The following METTL15 variants were observed in gnomAD, a reference collection of about 807,000 sequenced individuals.
The protein encoded by METTL15 is 12S rRNA N(4)-cytidine methyltransferase METTL15.
In METTL15, 34 loss-of-function variants were observed where a neutral mutation model predicts 38.3. The observed-to-expected ratio is 0.89, with a 90% CI of 0.68 to 1.18. The LOEUF (loss-of-function observed/expected upper bound fraction) is 1.18. Among genes scored for constraint, METTL15 ranks in the 50% most tolerant of loss-of-function variants. The pLI, the probability that METTL15 is intolerant of heterozygous loss-of-function variation, is 0.00. For synonymous variants in METTL15, 162 were observed against 170.9 expected, an observed-to-expected ratio of 0.95 and a Z score of 0.41; for missense variants, 438 against 498.4, an observed-to-expected ratio of 0.88 and a Z score of 1.15.
intron 4 of METTL15, among the ~76,000 whole-genome samples, chr11:28,230,468 G>A (rs1415062084): frequency 1.3e-5 from 2 of 151,902 alleles, no homozygotes; most frequent in African/African-American, 4.8e-5. Context: ...TATCCATATG[G>A]TACAGGATAA....
chr11:28,423,365 G>C (rs896297879), intron 5 of METTL15, among the ~76,000 whole-genome samples: 7 of 151,948 alleles, frequency 4.6e-5, no homozygotes, highest in African/African-American at 1.7e-4. Flanking sequence ...CCCAAAAAAA[G>C]AAAATCAATG....
chr11:28,122,521 CATA>C (rs1488438462), intron 3 of METTL15, among the ~76,000 whole-genome samples: 1 of 150,778 alleles, frequency 6.6e-6, no homozygotes, highest in Non-Finnish European at 1.5e-5. Flanking sequence ...TTATTTTTTC[CATA>C]ATGACGGGTT....
At chr11:28,176,351 T>C (rs1851074149) in intron 3 of METTL15, among the ~76,000 whole-genome samples, 1 of 152,110 alleles carries the variant, frequency 6.6e-6, no homozygotes. Flanking sequence ...TAGCAAAAGT[T>C]TTAAATGTCT....
At chr11:28,177,278 C>T (rs1021153390) in intron 3 of METTL15, among the ~76,000 whole-genome samples, 1 of 151,866 alleles carries the variant, frequency 6.6e-6, no homozygotes, top group African/African-American at 2.4e-5. Flanking sequence ...TACAGATTTC[C>T]ATCAGTGAAT....
chr11:28,390,804 A>G (rs372691620), intron 5 of METTL15, among the ~76,000 whole-genome samples: 2 of 152,286 alleles, frequency 1.3e-5, no homozygotes, highest in South Asian at 2.1e-4. Context: ...CATTGAATCT[A>G]TAAATTACCT....
intron 3 of METTL15, among the ~76,000 whole-genome samples, chr11:28,135,102 A>C (rs1446138582): frequency 6.6e-6 from 1 of 152,192 alleles, no homozygotes; most frequent in Non-Finnish European, 1.5e-5. Context: ...GTAGGCAAAA[A>C]CTTAAAAACA....
chr11:28,184,950 GA>G (rs1037340263), intron 3 of METTL15, among the ~76,000 whole-genome samples: 1 of 151,386 alleles, frequency 6.6e-6, no homozygotes, highest in Non-Finnish European at 1.5e-5. Flanking sequence ...CTGAGTAAAG[GA>G]AATATATTGA....
chr11:28,272,662 A>G (rs1464891812), intron 4 of METTL15, among the ~76,000 whole-genome samples: 1 of 152,192 alleles, frequency 6.6e-6, no homozygotes, highest in Non-Finnish European at 1.5e-5. Flanking sequence ...GCACGTGTAT[A>G]CCTATGTAAC....
At chr11:28,528,009 A>G (rs537153909), downstream of METTL15, among the ~76,000 whole-genome samples, 10 of 152,214 alleles carry the variant, frequency 6.6e-5, no homozygotes, top group Non-Finnish European at 1.5e-4. Flanking sequence ...CATGGGAAGA[A>G]TTTGTAAAAA....
intron 2 of METTL15, among the ~76,000 whole-genome samples, 190 bp downstream of exon 2, chr11:28,110,591 T>G (rs1851678807): frequency 6.6e-6 from 1 of 152,188 alleles, no homozygotes; most frequent in Non-Finnish European, 1.5e-5. Context: ...CAGAGCGTAA[T>G]TCTTAGGCAA....
chr11:28,523,462 G>A (rs538774976), intron 6 of METTL15, among the ~76,000 whole-genome samples: 1 of 152,144 alleles, frequency 6.6e-6, no homozygotes, highest in Non-Finnish European at 1.5e-5. Flanking sequence ...AAGCTGATTG[G>A]CTCTCTGAAA....
At chr11:28,448,399 G>A (rs1394427567) in intron 6 of METTL15, among the ~76,000 whole-genome samples, 4 of 152,016 alleles carry the variant, frequency 2.6e-5, no homozygotes, top group South Asian at 2.1e-4. Flanking sequence ...TGTTATTCTC[G>A]GTTTCTAGGA....
intron 3 of METTL15, among the ~76,000 whole-genome samples, chr11:28,350,919 G>A (rs773908453): frequency 6.6e-6 from 1 of 152,032 alleles, no homozygotes; most frequent in Non-Finnish European, 1.5e-5. Context: ...TAGGTCACTG[G>A]TTACCAAGCA....
At chr11:28,475,362 G>A (rs1388179844) in intron 6 of METTL15, among the ~76,000 whole-genome samples, 1 of 87,308 alleles carries the variant, frequency 1.1e-5, no homozygotes, top group Non-Finnish European at 2.3e-5. Context: ...TATTCAGGTA[G>A]CATAGAATTA....
chr11:28,193,600 A>G (rs1590135827), intron 3 of METTL15, among the ~76,000 whole-genome samples: 1 of 152,022 alleles, frequency 6.6e-6, no homozygotes. Flanking sequence ...TCCAAACCAT[A>G]TCACCTTCCA....
chr11:28,498,980 G>A (rs1732531949), intron 6 of METTL15, among the ~76,000 whole-genome samples: 1 of 152,184 alleles, frequency 6.6e-6, no homozygotes, highest in African/African-American at 2.4e-5. Context: ...TGACTGCTTG[G>A]TTTTATTAAT....
intron 4 of METTL15, among the ~76,000 whole-genome samples, chr11:28,282,384 A>G (rs1168874295): frequency 6.6e-6 from 1 of 152,214 alleles, no homozygotes; most frequent in East Asian, 1.9e-4. Context: ...GCAGCAGGGA[A>G]TCTAGATTAG....
At chr11:28,162,046 A>AT (rs1850484620) in intron 3 of METTL15, among the ~76,000 whole-genome samples, 1 of 152,040 alleles carries the variant, frequency 6.6e-6, no homozygotes, top group South Asian at 2.1e-4. Flanking sequence ...TTTTTGACTT[A>AT]TTTTTTCACA....
intron 3 of METTL15, among the ~76,000 whole-genome samples, chr11:28,165,977 A>T (rs866997896): frequency 6.6e-6 from 1 of 151,814 alleles, no homozygotes; most frequent in East Asian, 1.9e-4. Flanking sequence ...TGGGCTTTCT[A>T]TTCTTTTCCA....
Sources: allele counts gnomAD v4.1 joint callset (sites outside exome capture counted in the v4.1 genomes callset), GRCh38; gene constraint gnomAD v4.1.1; transcripts MANE v1.5; gene names NCBI Gene and HGNC (gene_info 2026-07-23, HGNC 2026-07-21).